Variants in LHFPL3 observed in about 807,000 individuals in gnomAD.
LHFPL3 encodes LHFPL tetraspan subfamily member 3 protein.
A neutral mutation model predicts 19.3 loss-of-function variants in LHFPL3; 5 were observed. That is an observed-to-expected ratio of 0.26 (90% CI 0.14 to 0.54). The LOEUF (loss-of-function observed/expected upper bound fraction) is 0.54. Ranked by LOEUF, LHFPL3 falls within the 20% of genes least tolerant of loss-of-function variation. The pLI, the probability that LHFPL3 is intolerant of heterozygous loss-of-function variation, is 0.94. For synonymous variants in LHFPL3, 133 were observed against 126.2 expected, an observed-to-expected ratio of 1.05 and a Z score of -0.36; for missense variants, 249 against 307.4, an observed-to-expected ratio of 0.81 and a Z score of 1.42.
At chr7:104,493,092 C>CTATG (rs1793389436) in intron 1 of LHFPL3, among the ~76,000 whole-genome samples, 3 of 152,158 alleles carry the variant, frequency 2.0e-5, no homozygotes. Flanking sequence ...CTCTTTAACC[C>CTATG]TATGTCATTT....
intron 2 of LHFPL3, among the ~76,000 whole-genome samples, chr7:104,786,753 A>G (rs968495405): frequency 6.6e-6 from 1 of 151,946 alleles, no homozygotes; most frequent in Non-Finnish European, 1.5e-5. Context: ...AAAGATTTAT[A>G]TACCCAATAA....
chr7:104,410,811 G>A (rs1318789092), intron 1 of LHFPL3, among the ~76,000 whole-genome samples: 1 of 152,182 alleles, frequency 6.6e-6, no homozygotes, highest in Admixed American at 6.5e-5. Context: ...CAGCTAAGAA[G>A]GATATTAGTA....
intron 1 of LHFPL3, among the ~76,000 whole-genome samples, chr7:104,403,889 G>A (rs1012093500): frequency 6.6e-6 from 1 of 152,190 alleles, no homozygotes; most frequent in South Asian, 2.1e-4. Context: ...CATTACCTAA[G>A]AAGGAGTGTT....
intron 1 of LHFPL3, among the ~76,000 whole-genome samples, chr7:104,411,482 T>G (rs908380605): frequency 7.9e-5 from 12 of 151,998 alleles, no homozygotes; most frequent in African/African-American, 2.9e-4. Flanking sequence ...TCAATAATAT[T>G]AAGTCTTTGA....
chr7:104,390,711 G>A (rs1000334605), intron 1 of LHFPL3, among the ~76,000 whole-genome samples: 1 of 152,172 alleles, frequency 6.6e-6, no homozygotes, highest in Non-Finnish European at 1.5e-5. Context: ...TAATGGGATG[G>A]CTGGGTCAAA....
intron 2 of LHFPL3, among the ~76,000 whole-genome samples, chr7:104,776,678 A>G (rs1029312664): frequency 9.9e-5 from 15 of 152,250 alleles, no homozygotes; most frequent in African/African-American, 3.4e-4. Context: ...AGAAGGTGCC[A>G]TTCTAATGCC....
At chr7:104,431,867 A>C (rs891128643) in intron 1 of LHFPL3, among the ~76,000 whole-genome samples, 3 of 152,158 alleles carry the variant, frequency 2.0e-5, no homozygotes, top group Admixed American at 6.5e-5. Flanking sequence ...TTTCCCTATC[A>C]TGTCAATCTC....
intron 1 of LHFPL3, among the ~76,000 whole-genome samples, chr7:104,366,108 T>G (rs1260502656): frequency 6.6e-6 from 1 of 152,180 alleles, no homozygotes; most frequent in Non-Finnish European, 1.5e-5. Flanking sequence ...GTTTGAAGTT[T>G]CCTGTGGTCT....
At position 104,810,187 on chromosome 7, in the gene LHFPL3, A is replaced by C. The variant is rs566321090; in HGVS notation, c.682+73276A>C. ...TAGTGCCTAGAAGGGAAAAGATAACATGAGGAGTGCCAAAGGTAGTAGCCA... is the reference window on the plus strand; with the variant it reads ...TAGTGCCTAGAAGGGAAAAGATAACCTGAGGAGTGCCAAAGGTAGTAGCCA... On this transcript the variant is annotated intron_variant, in intron 2 of 2. Transcript: ENST00000424859. 4.6e-5 allele frequency among the ~76,000 whole-genome samples: 7 copies of C among 152,316 alleles called. No individual in the cohort carries two copies. In the East Asian group the frequency reaches 1.3e-3, roughly 29 times the overall value.
intron 1 of LHFPL3, among the ~76,000 whole-genome samples, chr7:104,518,030 C>A (rs1793956005): frequency 1.3e-5 from 2 of 151,860 alleles, no homozygotes; most frequent in African/African-American, 4.8e-5. Context: ...CAAAAAAAAC[C>A]AAAAGTCAAA....
chr7:104,851,365 T>G (rs945393884), intron 2 of LHFPL3, among the ~76,000 whole-genome samples: 3 of 152,196 alleles, frequency 2.0e-5, no homozygotes, highest in Admixed American at 6.5e-5. Context: ...CAAGAAGCCA[T>G]GAGGTATCTC....
intron 1 of LHFPL3, among the ~76,000 whole-genome samples, chr7:104,607,538 G>C (rs940108745): frequency 8.5e-5 from 13 of 152,198 alleles, no homozygotes; most frequent in Admixed American, 3.9e-4. Flanking sequence ...CCATGAGTAA[G>C]TCCAGGAAGA....
At chr7:104,512,312 T>G (rs17335819) in intron 1 of LHFPL3, among the ~76,000 whole-genome samples, 1 of 152,024 alleles carries the variant, frequency 6.6e-6, no homozygotes, top group East Asian at 1.9e-4. Context: ...AGGGGTCATG[T>G]AATCGTTTAT....
In LHFPL3 at chr7:104,570,841, G is replaced by A. The variant is rs543385796; in HGVS notation, c.446-165834G>A. On this transcript the variant is annotated intron_variant, in intron 1 of 2. Transcript: ENST00000424859. Reference sequence around the variant, plus strand: ...TTTCTGCTCTTCTCCCCAATAGGCCGTACTTAGTAAGCTCTATGCTGCTTT... The same window carrying A: ...TTTCTGCTCTTCTCCCCAATAGGCCATACTTAGTAAGCTCTATGCTGCTTT... Among the ~76,000 whole-genome samples the A allele has an allele frequency of 7.2e-5, 11 of 152,080 alleles. 1 individual carries two copies. Among genetic ancestry groups the A allele is most frequent in the South Asian group, 4.1e-4 (2 of 4,826 alleles).
chr7:104,465,282 A>G (rs916481438), intron 1 of LHFPL3, among the ~76,000 whole-genome samples: 1 of 152,168 alleles, frequency 6.6e-6, no homozygotes, highest in African/African-American at 2.4e-5. Flanking sequence ...AAGCCATTCA[A>G]CAAGTCACTA....
intron 2 of LHFPL3, among the ~76,000 whole-genome samples, chr7:104,852,821 G>A (rs968462223): frequency 1.3e-5 from 2 of 152,166 alleles, no homozygotes; most frequent in African/African-American, 4.8e-5. Context: ...ACTGTTCATG[G>A]GGCCAGCTTC....
At chr7:104,791,790 CTT>C (rs1406663272) in intron 2 of LHFPL3, among the ~76,000 whole-genome samples, 11 of 152,110 alleles carry the variant, frequency 7.2e-5, no homozygotes, top group Non-Finnish European at 1.5e-4. Context: ...GGTGCAGGGT[CTT>C]TGTATTCTTA....
At chr7:104,437,854 G>C (rs1258820240) in intron 1 of LHFPL3, among the ~76,000 whole-genome samples, 1 of 152,002 alleles carries the variant, frequency 6.6e-6, no homozygotes, top group East Asian at 1.9e-4. Flanking sequence ...TTTTTAAATG[G>C]AGCCTTCATC....
rs959236341 is a variant in LHFPL3 at position 104,410,321 on chromosome 7, CG to C, written c.445+81101del. Among the ~76,000 whole-genome samples, 13 of 152,096 alleles carry C rather than the reference CG, an allele frequency of 8.5e-5. 1 individual carries two copies. The highest frequency in any genetic ancestry group is 3.3e-4 in the Admixed American group (5 of 15,280). ...CTAATTTTTGTATTTTTAGTAGAGA[CG>C]GGGTTTCACTATGTCAGACAGGCTG... On this transcript the variant is annotated intron_variant, in intron 1 of 2. Coordinates refer to ENST00000424859, the MANE Select transcript of LHFPL3 (RefSeq NM_199000.3).
Sources: allele counts gnomAD v4.1 joint callset (sites outside exome capture counted in the v4.1 genomes callset), GRCh38; gene constraint gnomAD v4.1.1; transcripts MANE v1.5; gene names NCBI Gene and HGNC (gene_info 2026-07-23, HGNC 2026-07-21).